Variants in LRBA observed in about 807,000 individuals in gnomAD.
LRBA encodes the protein lipopolysaccharide-responsive and beige-like anchor protein.
A neutral mutation model predicts 330.0 loss-of-function variants in LRBA; 176 were observed. The observed-to-expected ratio is 0.53, with a 90% CI of 0.47 to 0.60. The LOEUF (loss-of-function observed/expected upper bound fraction) is 0.60. Among genes scored for constraint, LRBA ranks in the 20% least tolerant of loss-of-function variants. LRBA has a pLI of 0.00. For missense variants in LRBA, 3,259 were observed against 3,444.8 expected (o/e 0.95, Z 1.35); for synonymous variants, 1,230 against 1,193.0 (o/e 1.03, Z -0.64).
chr4:150,970,839 A>G (rs1739509448), intron 2 of LRBA: 1 of 152,002 alleles, frequency 6.6e-6, no homozygotes, highest in Admixed American at 6.6e-5. Flanking sequence ...AGCTTCTGAG[A>G]AGGAAAACTG....
intron 47 of LRBA, among the ~76,000 whole-genome samples, chr4:150,408,943 T>C (rs1005435148): frequency 2.6e-5 from 4 of 152,044 alleles, no homozygotes; most frequent in Non-Finnish European, 5.9e-5. Flanking sequence ...AAAATTTTTT[T>C]CCCCATATAT....
At chr4:150,868,882 G>A (rs1302505580) in intron 20 of LRBA, among the ~76,000 whole-genome samples, 3 of 152,086 alleles carry the variant, frequency 2.0e-5, no homozygotes, top group Non-Finnish European at 4.4e-5. Flanking sequence ...AGGCTGCAGT[G>A]AGCCAAGATC....
intron 22 of LRBA, among the ~76,000 whole-genome samples, chr4:150,855,304 C>G (rs369142017): frequency 6.6e-6 from 1 of 152,110 alleles, no homozygotes; most frequent in Admixed American, 6.6e-5. Context: ...GGAAAACTGA[C>G]TTTAGAGAGA....
At position 150,851,892 on chromosome 4, in the gene LRBA, A is replaced by C. The variant is rs368449672; in HGVS notation, c.3818T>G (p.Val1273Gly). Residue 1273 changes from valine to glycine, a missense_variant, in exon 23 of 57, where the codon GTG (valine) becomes GGG (glycine). Transcript: ENST00000651943. ...NVEAPQPHRH[V>G]LEISRQHEQP... Reference sequence around the variant, plus strand: ...GACAATATATAAAATCACCTCAAGCACATGTCGATGAGGTTGAGGTGCTTC... The same window carrying C: ...GACAATATATAAAATCACCTCAAGCCCATGTCGATGAGGTTGAGGTGCTTC... 8.7e-6 allele frequency: 14 copies of C among 1,606,742 alleles called. No homozygotes were observed. Among genetic ancestry groups the C allele is most frequent in the African/African-American group, 1.3e-5 (1 of 74,586 alleles).
intron 37 of LRBA, among the ~76,000 whole-genome samples, chr4:150,671,636 G>C (rs1782074904): frequency 6.6e-6 from 1 of 152,140 alleles, no homozygotes; most frequent in African/African-American, 2.4e-5. Flanking sequence ...TCTCACAATA[G>C]CACAAGGAGA....
chr4:150,895,057 C>G (rs922859120), intron 16 of LRBA, among the ~76,000 whole-genome samples: 10 of 151,676 alleles, frequency 6.6e-5, no homozygotes, highest in African/African-American at 9.7e-5. Flanking sequence ...CTACTCCATT[C>G]TAAAATATAT....
In LRBA at chr4:150,909,694, G is replaced by T. The variant is rs538319243; in HGVS notation, c.1162-837C>A. 3.3e-5 allele frequency among the ~76,000 whole-genome samples: 5 copies of T among 152,218 alleles called. No individual in the cohort carries two copies. The East Asian group carries it at 9.7e-4, about 29-fold the overall frequency. On this transcript the variant is annotated intron_variant, in intron 9 of 56. Coordinates refer to ENST00000651943, the MANE Select transcript of LRBA (RefSeq NM_001364905.1). ...ATATATCCCATAAGTGAGATTACTG[G>T]ATCACATGGAAGTTCTATTTTTAAT...
chr4:150,267,776 T>A (rs1354520781), intron 56 of LRBA, among the ~76,000 whole-genome samples: 1 of 152,100 alleles, frequency 6.6e-6, no homozygotes, highest in Non-Finnish European at 1.5e-5. Flanking sequence ...CTAAGATGAC[T>A]TGGCTGGGCA....
Position 150,412,512 on chromosome 4 carries a change from T to C in LRBA, c.7194+2926A>G, listed in dbSNP as rs374152906. ...TCTTCTGAGGTGAAGGCAGTGAGGG[T>C]AGAGATGGGAGGTACTGTCAAGAGA... On this transcript the variant is annotated intron_variant, in intron 47 of 56. Transcript: ENST00000651943. Among the ~76,000 whole-genome samples, 11 of 152,064 alleles carry C rather than the reference T, an allele frequency of 7.2e-5. No individual in the cohort carries two copies. The East Asian group carries it at 1.7e-3, about 24-fold the overall frequency.
At chr4:150,582,872 C>A in intron 40 of LRBA, 1 of 764,810 alleles carries the variant, frequency 1.3e-6, no homozygotes, top group South Asian at 2.5e-5. Flanking sequence ...GCTACGGTAT[C>A]AGCCGGTCAG....
In LRBA at chr4:150,851,902, G is replaced by A. The variant is rs1750659774; in HGVS notation, c.3808C>T (p.His1270Tyr). 2 of 1,608,698 alleles carry A rather than the reference G, an allele frequency of 1.2e-6. No individual in the cohort carries two copies. The highest frequency in any genetic ancestry group is 1.7e-6 in the Non-Finnish European group (2 of 1,177,542). ...ASPNVEAPQPHRHVLEISRQH... is the reference protein window; with the variant it reads ...ASPNVEAPQPYRHVLEISRQH... ...AAAATCACCTCAAGCACATGTCGAT[G>A]AGGTTGAGGTGCTTCCACGTTGGGA... Residue 1270 changes from histidine (H) to tyrosine (Y), a missense_variant, in exon 23 of 57, where the codon CAT becomes TAT. Physicochemically the swap from His to Tyr is moderately conservative, Grantham distance 83. Transcript: ENST00000651943.
chr4:150,381,236 TA>T (rs574884414), intron 47 of LRBA, among the ~76,000 whole-genome samples: 233 of 152,304 alleles, frequency 1.5e-3, no homozygotes, highest in African/African-American at 5.4e-3. Context: ...ATTCATCCTT[TA>T]AAGTGTACAA....
At chr4:150,515,742 C>T (rs755371878) in intron 40 of LRBA, among the ~76,000 whole-genome samples, 32 of 151,992 alleles carry the variant, frequency 2.1e-4, no homozygotes, top group Non-Finnish European at 3.8e-4. Flanking sequence ...AACATGGGAA[C>T]TATTAATATT....
At chr4:150,625,257 C>CT (rs1478686196) in intron 37 of LRBA, among the ~76,000 whole-genome samples, 1 of 152,072 alleles carries the variant, frequency 6.6e-6, no homozygotes, top group Non-Finnish European at 1.5e-5. Context: ...TTGAAATCTA[C>CT]TACAAGCAAA....
chr4:150,559,866 A>AAT (rs1401688428), intron 40 of LRBA, among the ~76,000 whole-genome samples: 1 of 75,652 alleles, frequency 1.3e-5, no homozygotes. Context: ...AATTATATAT[A>AAT]ATATATAATT....
chr4:150,302,755 G>C lies in LRBA; in HGVS notation c.7887C>G (p.Val2629=), dbSNP rs138897796. 2.5e-6 allele frequency: 4 copies of C among 1,608,086 alleles called. No individual in the cohort carries two copies. The Admixed American group carries it at 5.0e-5, about 20-fold the overall frequency. ...ACTCAGAACGAGCAAGGCAAGTGAC[G>C]ACATCCCAATGGCCAAACACCACTT... The part of the protein sequence containing the change: ...LIQVVFGHWD[V]VTCLARSESY... The change falls in exon 53 of 57, where the codon GTC becomes GTG. Residue 2629 remains valine, a synonymous_variant. Transcript: ENST00000651943.
At chr4:150,428,868 T>A (rs920885674) in intron 46 of LRBA, among the ~76,000 whole-genome samples, 1 of 152,136 alleles carries the variant, frequency 6.6e-6, no homozygotes. Context: ...AACAGATCAA[T>A]AAGCAATGTG....
At chr4:150,662,081 G>GC (rs1305350014) in intron 37 of LRBA, among the ~76,000 whole-genome samples, 1 of 152,138 alleles carries the variant, frequency 6.6e-6, no homozygotes, top group Non-Finnish European at 1.5e-5. Flanking sequence ...AACTACAAGA[G>GC]CAAGTGTCTA....
intron 37 of LRBA, among the ~76,000 whole-genome samples, chr4:150,636,032 G>T (rs1581877208): frequency 6.6e-6 from 1 of 151,944 alleles, no homozygotes; most frequent in East Asian, 1.9e-4. Flanking sequence ...AGGCACTCTG[G>T]GCATATCACA....
Sources: gnomAD v4.1 joint callset for allele counts (sites outside exome capture counted in the v4.1 genomes callset) on GRCh38, gnomAD v4.1.1 for gene constraint, MANE v1.5 for transcripts, NCBI Gene and HGNC (gene_info 2026-07-23, HGNC 2026-07-21) for gene names.